The following OLFM3 variants were observed in gnomAD, a reference collection of about 807,000 sequenced individuals.
OLFM3 encodes the protein noelin-3.
In OLFM3, 20 loss-of-function variants were observed where a neutral mutation model predicts 48.6. The observed-to-expected ratio is 0.41, with a 90% CI of 0.29 to 0.60. The LOEUF (loss-of-function observed/expected upper bound fraction) is 0.60, where lower values mean the gene tolerates loss of function less well. Ranked by LOEUF, OLFM3 falls within the 20% of genes least tolerant of loss-of-function variation. The pLI is 0.28. For missense variants in OLFM3, 437 were observed against 544.3 expected (o/e 0.80, Z 1.96); for synonymous variants, 222 against 198.1 (o/e 1.12, Z -1.01).
At position 101,986,834 on chromosome 1, in the gene OLFM3, T is replaced by A. The variant is rs74950041; in HGVS notation, c.69+9914A>T. Among the ~76,000 whole-genome samples the A allele has an allele frequency of 6.6e-3, 1,006 of 152,260 alleles. 9 individuals carry two copies. Among genetic ancestry groups the A allele is most frequent in the African/African-American group, 0.022 (923 of 41,570 alleles). On this transcript the variant is annotated intron_variant, in intron 1 of 5. Transcript: ENST00000370103. ...CAGCAGTAATAGAAGGGTAACTAGG[T>A]CTCATATTAATTAATATAATCATTC...
At chr1:101,833,185 A>T (rs912844308) in intron 2 of OLFM3, among the ~76,000 whole-genome samples, 3 of 152,188 alleles carry the variant, frequency 2.0e-5, no homozygotes, top group Non-Finnish European at 4.4e-5. Context: ...CTCACCCTAT[A>T]AGGTTAATTT....
chr1:101,826,763 T>A (rs1049186803), intron 3 of OLFM3, among the ~76,000 whole-genome samples: 1 of 152,228 alleles, frequency 6.6e-6, no homozygotes, highest in Non-Finnish European at 1.5e-5. Flanking sequence ...TATTAAAGTA[T>A]CTTGTGGTAT....
intron 2 of OLFM3, among the ~76,000 whole-genome samples, chr1:101,832,116 T>C (rs1655185247): frequency 6.6e-6 from 1 of 152,194 alleles, no homozygotes; most frequent in African/African-American, 2.4e-5. Context: ...TTGATGACTA[T>C]CACCTCAAGT....
chr1:101,864,893 A>T (rs1025800822), intron 1 of OLFM3, among the ~76,000 whole-genome samples: 15 of 152,210 alleles, frequency 9.9e-5, no homozygotes, highest in South Asian at 6.2e-4. Context: ...GGCTTTTAAG[A>T]CATGCCACAC....
intron 1 of OLFM3, among the ~76,000 whole-genome samples, chr1:101,964,065 G>A (rs556833242): frequency 6.6e-6 from 1 of 152,254 alleles, no homozygotes; most frequent in African/African-American, 2.4e-5. Context: ...CACTTTCATT[G>A]ATATGTCTGA....
At chr1:101,963,923 T>C (rs1660539291) in intron 1 of OLFM3, among the ~76,000 whole-genome samples, 1 of 152,192 alleles carries the variant, frequency 6.6e-6, no homozygotes, top group South Asian at 2.1e-4. Flanking sequence ...CCACCAAAGA[T>C]AACCATGTGC....
chr1:101,994,517 T>G (rs1451111026), intron 1 of OLFM3, among the ~76,000 whole-genome samples: 1 of 149,822 alleles, frequency 6.7e-6, no homozygotes, highest in Non-Finnish European at 1.5e-5. Context: ...AAATTCTTAG[T>G]TTATAACCTA....
intron 1 of OLFM3, among the ~76,000 whole-genome samples, chr1:101,919,510 T>G (rs1170710990): frequency 6.6e-6 from 1 of 152,222 alleles, no homozygotes; most frequent in Non-Finnish European, 1.5e-5. Flanking sequence ...ATTCTCTTTT[T>G]GAACTTCTTT....
rs188507350 is a variant in OLFM3 at position 101,890,220 on chromosome 1, A to C, written c.70-53195T>G. Among the ~76,000 whole-genome samples, 44 of 152,212 alleles carry C rather than the reference A, an allele frequency of 2.9e-4. 1 individual carries two copies. The East Asian group carries it at 7.9e-3, about 27-fold the overall frequency. The stretch of plus-strand genomic sequence containing the variant: ...TTCATGTTAAAATTATGTCTTTCAA[A>C]GAGCTTTTAATGATCTTGGAAAATA... On this transcript the variant is annotated intron_variant, in intron 1 of 5. Transcript: ENST00000370103.
intron 2 of OLFM3, among the ~76,000 whole-genome samples, chr1:101,836,264 C>T (rs751327555): frequency 3.2e-4 from 48 of 152,142 alleles, no homozygotes; most frequent in Non-Finnish European, 4.6e-4. Context: ...TCCCTCCCAA[C>T]TAAACATAAA....
chr1:101,976,584 C>T (rs1236405870), intron 1 of OLFM3, among the ~76,000 whole-genome samples: 1 of 152,112 alleles, frequency 6.6e-6, no homozygotes. Context: ...ATGTCATGTA[C>T]TTCCCACAAT....
Position 101,806,084 on chromosome 1 carries a change from T to C in OLFM3, c.691A>G (p.Asn231Asp). The C allele has an allele frequency of 6.2e-7, 1 of 1,610,820 alleles. No homozygotes were observed. Among genetic ancestry groups the C allele is most frequent in the African/African-American group, 1.3e-5 (1 of 74,820 alleles). The change falls in exon 5 of 6, where the codon AAC becomes GAC. Residue 231 changes from asparagine (N) to aspartate (D), a missense_variant. Transcript: ENST00000370103. ...WMTDPLASEK[N>D]NRVWYMDSYT... is the part of the protein sequence containing the mutation. ...TTGTGGGAGAAACATACTCTGTTGT[T>C]TTTCTCAGATGCTAAAGGGTCTGTC... is the stretch of plus-strand genomic sequence containing the variant.
At chr1:101,939,837 T>C (rs1020046634) in intron 1 of OLFM3, among the ~76,000 whole-genome samples, 14 of 152,184 alleles carry the variant, frequency 9.2e-5, no homozygotes, top group Admixed American at 2.0e-4. Flanking sequence ...GAGGTTATAC[T>C]TACATTGTTT....
chr1:101,812,883 C>A, intron 4 of OLFM3: 2 of 992,304 alleles, frequency 2.0e-6, no homozygotes, highest in Non-Finnish European at 1.2e-6. Flanking sequence ...AGAAAGCAAA[C>A]TTTACTTTCT....
chr1:101,824,881 C>T, intron 4 of OLFM3, 145 bp downstream of exon 4: 1 of 678,512 alleles, frequency 1.5e-6, no homozygotes, highest in Non-Finnish European at 2.5e-6. Context: ...ATGCTTAAGT[C>T]ATTAGGGGAC....
chr1:101,805,188 G>A (rs2100858114), intron 5 of OLFM3, among the ~76,000 whole-genome samples: 1 of 151,364 alleles, frequency 6.6e-6, no homozygotes, highest in African/African-American at 2.4e-5. Flanking sequence ...CTGACCATTT[G>A]GTGCATATCA....
At chr1:101,882,329 ATAATATATATATAT>A (rs1402788493) in intron 1 of OLFM3, among the ~76,000 whole-genome samples, 1 of 100,486 alleles carries the variant, frequency 1.0e-5, no homozygotes, top group East Asian at 2.4e-4. Context: ...ATATATATAT[ATAATATATATATAT>A]ATATATAAAG....
At chr1:101,818,772 A>T (rs529648114) in intron 4 of OLFM3, among the ~76,000 whole-genome samples, 1 of 152,236 alleles carries the variant, frequency 6.6e-6, no homozygotes, top group Admixed American at 6.6e-5. Flanking sequence ...TCCCCCCAAA[A>T]GCTTTTTGGC....
chr1:101,880,633 G>T (rs1657486197), intron 1 of OLFM3, among the ~76,000 whole-genome samples: 1 of 151,666 alleles, frequency 6.6e-6, no homozygotes, highest in African/African-American at 2.4e-5. Flanking sequence ...ACATGGACTT[G>T]CCCCTAGAGG....
Sources: gnomAD v4.1 joint callset for allele counts (sites outside exome capture counted in the v4.1 genomes callset) on GRCh38, gnomAD v4.1.1 for gene constraint, MANE v1.5 for transcripts, NCBI Gene and HGNC (gene_info 2026-07-23, HGNC 2026-07-21) for gene names.